The following TENM2 variants were observed in gnomAD, a reference collection of about 807,000 sequenced individuals.
The protein encoded by TENM2 is teneurin-2.
Under a neutral mutation model 245.2 loss-of-function variants are expected in TENM2, and 52 were observed. That is an observed-to-expected ratio of 0.21 (90% CI 0.17 to 0.27). TENM2 has a LOEUF of 0.27. Ranked by LOEUF, TENM2 falls within the 10% of genes least tolerant of loss-of-function variation. The probability of loss-of-function intolerance (pLI) is 1.00; values close to 1 mark genes in which losing one functional copy is unlikely to be tolerated. For missense variants in TENM2, 3,046 were observed against 3,666.8 expected (o/e 0.83, Z 4.37); for synonymous variants, 1,363 against 1,438.9 (o/e 0.95, Z 1.19).
the TENM2 span, among the ~76,000 whole-genome samples, chr5:167,006,414 T>A: frequency 7.9e-5 from 12 of 152,178 alleles, no homozygotes. Context: ...TTGATGAAAA[T>A]GCTATAAAGC....
the TENM2 span, among the ~76,000 whole-genome samples, chr5:167,099,703 A>G: frequency 6.6e-6 from 1 of 152,296 alleles, no homozygotes; most frequent in South Asian, 2.1e-4. Context: ...CTCAAAACAA[A>G]ACAAAACAAA....
intron 1 of TENM2, among the ~76,000 whole-genome samples, chr5:167,345,331 C>T (rs1248721962): frequency 1.3e-5 from 2 of 152,104 alleles, no homozygotes; most frequent in South Asian, 2.1e-4. Context: ...TGTGGCTGAG[C>T]GCAAGGAAGC....
At chr5:168,263,038 C>G, downstream of TENM2, 1 of 501,740 alleles carries the variant, frequency 2.0e-6, no homozygotes, top group Non-Finnish European at 3.5e-6. Flanking sequence ...GAAAACAAAA[C>G]AAACGAATGA....
chr5:168,135,669 G>A (rs1754987326), intron 12 of TENM2, among the ~76,000 whole-genome samples: 1 of 151,968 alleles, frequency 6.6e-6, no homozygotes, highest in Non-Finnish European at 1.5e-5. Flanking sequence ...TAATTAGAAT[G>A]GATTAAATTA....
At chr5:167,082,377 G>A in the TENM2 span, among the ~76,000 whole-genome samples, 2 of 151,950 alleles carry the variant, frequency 1.3e-5, no homozygotes, top group Admixed American at 6.6e-5. Context: ...TCCACCTCCC[G>A]GATTCAAGCA....
At chr5:167,547,781 T>G (rs1192818478) in intron 2 of TENM2, among the ~76,000 whole-genome samples, 2 of 152,226 alleles carry the variant, frequency 1.3e-5, no homozygotes, top group African/African-American at 4.8e-5. Context: ...GTTTTCTCTT[T>G]GCACATTTAA....
At chr5:168,141,285 G>A (rs1372461960) in intron 12 of TENM2, among the ~76,000 whole-genome samples, 1 of 152,074 alleles carries the variant, frequency 6.6e-6, no homozygotes, top group Non-Finnish European at 1.5e-5. Context: ...TGATTTCTGG[G>A]AACAGTTCCC....
At chr5:167,535,654 G>A (rs953330354) in intron 2 of TENM2, among the ~76,000 whole-genome samples, 24 of 152,182 alleles carry the variant, frequency 1.6e-4, no homozygotes, top group African/African-American at 5.8e-4. Context: ...ATTCTGCCAT[G>A]TAAAGACACA....
intron 2 of TENM2, among the ~76,000 whole-genome samples, chr5:167,794,346 T>C (rs1219611116): frequency 6.6e-6 from 1 of 152,178 alleles, no homozygotes; most frequent in Non-Finnish European, 1.5e-5. Context: ...GGGAAATAAA[T>C]TGTTTTGGTC....
At chr5:167,993,250 T>G (rs17069526) in intron 5 of TENM2, 68 bp downstream of exon 7, 2 of 1,319,208 alleles carry the variant, frequency 1.5e-6, no homozygotes, top group African/African-American at 2.9e-5. Flanking sequence ...CATGGACTTG[T>G]GAATCTAGAG....
the TENM2 span, among the ~76,000 whole-genome samples, chr5:167,213,094 C>G: frequency 6.6e-6 from 1 of 152,184 alleles, no homozygotes; most frequent in African/African-American, 2.4e-5. Flanking sequence ...AACTAGTTTA[C>G]TTAGTAATTT....
At chr5:167,719,279 CTCCG>C (rs1759464802) in intron 2 of TENM2, among the ~76,000 whole-genome samples, 2 of 152,210 alleles carry the variant, frequency 1.3e-5, no homozygotes, top group South Asian at 4.1e-4. Flanking sequence ...CTTGTGAAGA[CTCCG>C]CGGGACCAAG....
intron 13 of TENM2, among the ~76,000 whole-genome samples, chr5:168,165,649 C>A (rs1581508878): frequency 2.8e-4 from 1 of 3,526 alleles, no homozygotes; most frequent in East Asian, 7.8e-3. Flanking sequence ...CCCCCCCCAA[C>A]CCCCCCCCCC....
chr5:167,728,612 T>TG (rs11442965), intron 2 of TENM2: 2,518 of 150,196 alleles, frequency 0.017, 28 homozygotes, highest in African/African-American at 0.037. Context: ...AATAAATAAA[T>TG]AAATGAATGA....
the TENM2 span, among the ~76,000 whole-genome samples, chr5:167,141,740 G>A: frequency 6.6e-6 from 1 of 152,004 alleles, no homozygotes; most frequent in Non-Finnish European, 1.5e-5. Flanking sequence ...GTAGAGCACT[G>A]GCTATTTTTA....
At chr5:167,600,969 C>T (rs1303678007) in intron 2 of TENM2, among the ~76,000 whole-genome samples, 1 of 152,158 alleles carries the variant, frequency 6.6e-6, no homozygotes. Context: ...ACATTCATGG[C>T]ATAATTTATT....
intron 8 of TENM2, among the ~76,000 whole-genome samples, chr5:168,091,635 C>T (rs1329878285): frequency 6.6e-6 from 1 of 152,186 alleles, no homozygotes; most frequent in African/African-American, 2.4e-5. Flanking sequence ...ACCCATTTCA[C>T]AGAAGAATAA....
chr5:167,547,979 T>C (rs1165984982), intron 2 of TENM2, among the ~76,000 whole-genome samples: 1 of 152,176 alleles, frequency 6.6e-6, no homozygotes, highest in Non-Finnish European at 1.5e-5. Flanking sequence ...ATCAAGGAGT[T>C]TTCCCTTAAG....
intron 5 of TENM2, among the ~76,000 whole-genome samples, chr5:168,026,912 A>G (rs1017278953): frequency 4.6e-5 from 7 of 152,214 alleles, no homozygotes; most frequent in African/African-American, 1.7e-4. Context: ...AAACCAAGGA[A>G]AATTAATCAC....
Sources: allele counts gnomAD v4.1 joint callset (sites outside exome capture counted in the v4.1 genomes callset), GRCh38; gene constraint gnomAD v4.1.1; transcripts MANE v1.5; gene names NCBI Gene and HGNC (gene_info 2026-07-23, HGNC 2026-07-21).